The following MYLK variants were observed in gnomAD, a reference collection of about 807,000 sequenced individuals.
MYLK encodes the protein myosin light chain kinase.
A neutral mutation model predicts 203.4 loss-of-function variants in MYLK; 106 were observed. That is an observed-to-expected ratio of 0.52 (90% CI 0.45 to 0.61). The LOEUF is 0.61. MYLK is among the 20% of genes least tolerant of loss of function. The pLI, the probability that MYLK is intolerant of heterozygous loss-of-function variation, is 0.00. For synonymous variants in MYLK, 867 were observed against 959.5 expected (o/e 0.90, Z 1.78); for missense variants, 2,072 against 2,442.3 (o/e 0.85, Z 3.20).
intron 3 of MYLK, among the ~76,000 whole-genome samples, chr3:123,823,592 G>A (rs1322764954): frequency 2.0e-5 from 3 of 152,076 alleles, no homozygotes; most frequent in African/African-American, 7.2e-5. Flanking sequence ...CCATTGTCAT[G>A]CTTTTAGACC....
intron 23 of MYLK, among the ~76,000 whole-genome samples, chr3:123,659,891 A>G (rs1299645479): frequency 6.6e-6 from 1 of 152,242 alleles, no homozygotes; most frequent in Non-Finnish European, 1.5e-5. Flanking sequence ...CTCCAGTGGC[A>G]CCAGCTCCAG....
At position 123,852,350 on chromosome 3, in the gene MYLK, G is replaced by A. The variant is rs1434651640; in HGVS notation, c.-126-20680C>T. 1.9e-4 allele frequency among the ~76,000 whole-genome samples: 29 copies of A among 152,230 alleles called. No individual in the cohort carries two copies. In the South Asian group the frequency reaches 4.8e-3, roughly 25 times the overall value. ...TCTGGTAGAATTCGGCTGTGAATCC[G>A]TCTGGTCCTGGACTTTTTTTGGTTG... is the stretch of plus-strand genomic sequence containing the variant. On this transcript the variant is annotated intron_variant, in intron 2 of 33. Transcript: ENST00000360304.
At chr3:123,826,032 C>T (rs535194903) in intron 3 of MYLK, among the ~76,000 whole-genome samples, 2 of 152,306 alleles carry the variant, frequency 1.3e-5, no homozygotes, top group East Asian at 1.9e-4. Context: ...CAGGCATGTC[C>T]CTGGCCTGCC....
intron 4 of MYLK, among the ~76,000 whole-genome samples, chr3:123,779,412 C>T (rs1394758616): frequency 6.6e-6 from 1 of 152,244 alleles, no homozygotes; most frequent in African/African-American, 2.4e-5. Context: ...GGCTCCAACT[C>T]TTCCAGGCTC....
At chr3:123,715,976 G>T (rs577530661) in intron 13 of MYLK, 2 of 152,222 alleles carry the variant, frequency 1.3e-5, no homozygotes, top group Non-Finnish European at 2.9e-5. Context: ...CTTTGAACAT[G>T]AGCTGTATTC....
In MYLK at chr3:123,700,980, C is replaced by T; in HGVS notation, c.2488G>A (p.Asp830Asn). Residue 830 changes from aspartate to asparagine, a missense_variant, in exon 18 of 34, where the codon GAC (aspartate) becomes AAC (asparagine). Transcript: ENST00000360304. ...GCACCAACTCCTCCACCACAGAGGTCCTCGCAGCTGGCAGGCTCCCTCCCC... is the reference window on the plus strand; with the variant it reads ...GCACCAACTCCTCCACCACAGAGGTTCTCGCAGCTGGCAGGCTCCCTCCCC... Reference protein sequence around the residue: ...PRGREPASCEDLCGGGVGADG... With the variant: ...PRGREPASCENLCGGGVGADG... The T allele has an allele frequency of 1.9e-6, 3 of 1,607,340 alleles. No homozygotes were observed. Among genetic ancestry groups the T allele is most frequent in the Non-Finnish European group, 2.5e-6 (3 of 1,179,978 alleles).
At chr3:123,644,523 A>C (rs2058946169) in intron 27 of MYLK, 1 of 152,118 alleles carries the variant, frequency 6.6e-6, no homozygotes, top group Non-Finnish European at 1.5e-5. Flanking sequence ...TCCCAATTCC[A>C]AGCTAAGTAT....
At chr3:123,791,082 C>T (rs1463390) in intron 4 of MYLK, among the ~76,000 whole-genome samples, 9,254 of 152,236 alleles carry the variant, frequency 0.061, 1,590 homozygotes, top group East Asian at 0.55. Flanking sequence ...GGTTCCGTGA[C>T]GATTGAGCAC....
chr3:123,743,746 G>A (rs941020931), intron 5 of MYLK, among the ~76,000 whole-genome samples: 1 of 152,150 alleles, frequency 6.6e-6, no homozygotes, highest in African/African-American at 2.4e-5. Context: ...GAAGGGATAA[G>A]GTAGACCTAG....
intron 33 of MYLK, chr3:123,617,554 T>G (rs563394558): frequency 6.6e-6 from 1 of 152,352 alleles, no homozygotes; most frequent in Non-Finnish European, 1.5e-5. Flanking sequence ...TTTGGGTTAT[T>G]TTACTCAAAA....
chr3:123,800,244 C>T (rs2065148283), intron 3 of MYLK: 2 of 152,036 alleles, frequency 1.3e-5, no homozygotes, highest in Admixed American at 1.3e-4. Context: ...AAGGGAGGAC[C>T]CTGTCAAGCA....
At chr3:123,676,612 A>C (rs916185085) in intron 20 of MYLK, among the ~76,000 whole-genome samples, 1 of 152,196 alleles carries the variant, frequency 6.6e-6, no homozygotes, top group African/African-American at 2.4e-5. Context: ...TTCCAAAGTG[A>C]CTGATGTCAG....
intron 2 of MYLK, among the ~76,000 whole-genome samples, chr3:123,844,786 C>A (rs1014906608): frequency 1.8e-4 from 27 of 150,184 alleles, no homozygotes; most frequent in Non-Finnish European, 3.2e-4. Context: ...GTGTGTGTCA[C>A]CATTTCTGGG....
At chr3:123,710,026 A>C in intron 13 of MYLK, 133 bp from the exon 14 acceptor site, 1 of 1,171,046 alleles carries the variant, frequency 8.5e-7, no homozygotes, top group East Asian at 2.4e-5. Flanking sequence ...ACAGATAAAG[A>C]GTGTTTGGAG....
intron 1 of MYLK, among the ~76,000 whole-genome samples, chr3:123,879,629 G>T (rs971829028): frequency 4.6e-5 from 7 of 152,008 alleles, no homozygotes; most frequent in Non-Finnish European, 7.4e-5. Context: ...TTTGTTTTTT[G>T]TTGTTGTTGT....
In MYLK at chr3:123,770,634, G is replaced by A. The variant is rs573030712; in HGVS notation, c.166-18096C>T. Among the ~76,000 whole-genome samples, 7 of 152,266 alleles carry A rather than the reference G, an allele frequency of 4.6e-5. No individual in the cohort carries two copies. In the East Asian group the frequency reaches 9.6e-4, roughly 21 times the overall value. Reference sequence around the variant, plus strand: ...TGTGAGGGGGTGATGCCCAGTGCCCGGCTGGCACCTGGTAGGTGCTCAACA... The same window carrying A: ...TGTGAGGGGGTGATGCCCAGTGCCCAGCTGGCACCTGGTAGGTGCTCAACA... On this transcript the variant is annotated intron_variant, in intron 4 of 33. Transcript: ENST00000360304.
chr3:123,784,843 A>G (rs577957417), intron 4 of MYLK, among the ~76,000 whole-genome samples: 63 of 152,168 alleles, frequency 4.1e-4, no homozygotes, highest in Admixed American at 9.2e-4. Context: ...GCGGACTGCA[A>G]GCCCCACATG....
intron 2 of MYLK, among the ~76,000 whole-genome samples, chr3:123,834,873 C>A (rs1476786792): frequency 4.2e-4 from 64 of 152,080 alleles, no homozygotes; most frequent in Admixed American, 4.2e-3. Flanking sequence ...AGGAGGATGC[C>A]AGGTTTCTGA....
At chr3:123,800,754 T>A (rs1234601298) in intron 3 of MYLK, among the ~76,000 whole-genome samples, 8 of 152,222 alleles carry the variant, frequency 5.3e-5, no homozygotes. Flanking sequence ...GAATTTAAGT[T>A]TTCCCTTGAT....
Sources: gnomAD v4.1 joint callset for allele counts (sites outside exome capture counted in the v4.1 genomes callset) on GRCh38, gnomAD v4.1.1 for gene constraint, MANE v1.5 for transcripts, NCBI Gene and HGNC (gene_info 2026-07-23, HGNC 2026-07-21) for gene names.